The following LARP1 variants were observed in gnomAD, a reference collection of about 807,000 sequenced individuals.
The protein encoded by LARP1 is La ribonucleoprotein 1, translational regulator, also known as la-related protein 1.
In LARP1, 36 loss-of-function variants were observed where a neutral mutation model predicts 122.7. That is an observed-to-expected ratio of 0.29 (90% confidence interval 0.22 to 0.39). The LOEUF (loss-of-function observed/expected upper bound fraction) is 0.39, where lower values mean the gene tolerates loss of function less well. Ranked by LOEUF, LARP1 falls within the 10% of genes least tolerant of loss-of-function variation. LARP1 has a pLI of 1.00. For synonymous variants in LARP1, 539 were observed against 528.7 expected (o/e 1.02, Z -0.27); for missense variants, 1,040 against 1,403.6 (o/e 0.74, Z 4.14).
intron 14 of LARP1, chr5:154,805,069 T>C (rs1466865735): frequency 2.9e-6 from 1 of 346,672 alleles, no homozygotes; most frequent in African/African-American, 2.2e-5. Flanking sequence ...TTACATACTG[T>C]ATTCTTACAA....
intron 8 of LARP1, among the ~76,000 whole-genome samples, chr5:154,798,612 A>G (rs1758079590): frequency 6.6e-6 from 1 of 151,974 alleles, no homozygotes. Context: ...TGCAACCTCA[A>G]CCATCTAGGC....
intron 1 of LARP1, among the ~76,000 whole-genome samples, chr5:154,776,016 A>G (rs1010202902): frequency 2.0e-5 from 3 of 152,164 alleles, no homozygotes; most frequent in Admixed American, 6.6e-5. Context: ...TTAGTATTTT[A>G]AAGTAAATAT....
chr5:154,721,822 G>A (rs538879995), intron 1 of LARP1, among the ~76,000 whole-genome samples: 2 of 152,230 alleles, frequency 1.3e-5, no homozygotes, highest in East Asian at 3.9e-4. Context: ...TTGTCTCCAC[G>A]GCCTGGCACT....
chr5:154,781,555 T>G (rs1217027582), intron 1 of LARP1, among the ~76,000 whole-genome samples: 2 of 151,608 alleles, frequency 1.3e-5, no homozygotes, highest in African/African-American at 4.9e-5. Flanking sequence ...ATGGCGCCAT[T>G]GCACTCCAGC....
intron 4 of LARP1, 99 bp from the exon 5 acceptor site, chr5:154,793,496 T>G: frequency 2.7e-6 from 4 of 1,477,144 alleles, no homozygotes; most frequent in Admixed American, 3.5e-5. Context: ...AGATTGTGAT[T>G]TGGGCCCAAG....
chr5:154,795,437 C>CA, intron 8 of LARP1, 118 bp downstream of exon 8: 1 of 1,025,596 alleles, frequency 9.8e-7, no homozygotes, highest in Non-Finnish European at 1.4e-6. Flanking sequence ...CTGCTGAAGT[C>CA]TCAAGGCTTG....
At chr5:154,703,278 A>G (rs879514324) in intron 1 of LARP1, among the ~76,000 whole-genome samples, 4 of 152,132 alleles carry the variant, frequency 2.6e-5, no homozygotes, top group Non-Finnish European at 4.4e-5. Context: ...ACTCCTATCT[A>G]TACACTTTCA....
chr5:154,792,560 C>G, intron 3 of LARP1, 62 bp from the exon 4 acceptor site: 2 of 1,493,460 alleles, frequency 1.3e-6, no homozygotes, highest in Non-Finnish European at 1.8e-6. Flanking sequence ...CAGGGAGTGC[C>G]TTCCCTCCTA....
intron 14 of LARP1, 179 bp from the exon 15 acceptor site, chr5:154,805,702 G>T: frequency 1.6e-6 from 1 of 637,418 alleles, no homozygotes; most frequent in South Asian, 2.0e-5. Context: ...CTCTCTGAGA[G>T]TTGATGCAGA....
At chr5:154,709,635 G>A (rs998307479), upstream of LARP1, among the ~76,000 whole-genome samples, 1 of 107,384 alleles carries the variant, frequency 9.3e-6, no homozygotes, top group East Asian at 3.1e-4. Context: ...TACTCATTTT[G>A]GCTAGAGTTA....
At chr5:154,790,203 C>G in intron 1 of LARP1, 122 bp from the exon 2 acceptor site, 1 of 735,748 alleles carries the variant, frequency 1.4e-6, no homozygotes, top group South Asian at 1.9e-5. Flanking sequence ...TCTACTGTGT[C>G]TTTCTCCTTT....
At chr5:154,694,903 T>C (rs988499206) in intron 1 of LARP1, among the ~76,000 whole-genome samples, 3 of 152,162 alleles carry the variant, frequency 2.0e-5, no homozygotes, top group Admixed American at 2.0e-4. Flanking sequence ...TTTTTGTTAT[T>C]GTTGTTGAGA....
chr5:154,700,784 T>G (rs750286425), intron 1 of LARP1, among the ~76,000 whole-genome samples: 63 of 151,944 alleles, frequency 4.1e-4, no homozygotes, highest in Non-Finnish European at 6.8e-4. Context: ...CCACAATGCC[T>G]GGCTAATTTT....
intron 3 of LARP1, 31 bp downstream of exon 3, chr5:154,790,741 G>A (rs987621665): frequency 6.3e-7 from 1 of 1,596,552 alleles, no homozygotes; most frequent in Non-Finnish European, 8.6e-7. Flanking sequence ...AGGCAGGTTT[G>A]AAGTCTCTTG....
At position 154,755,897 on chromosome 5, in the gene LARP1, G is replaced by T. The variant is rs1753838143; in HGVS notation, c.140G>T (p.Gly47Val). ...CCCGGGCCAAACGACGTCCGCGGGG[G>T]GGAGCCGGACGGCAGCGCTCGGAGA... is the stretch of plus-strand genomic sequence containing the variant. Reference protein sequence around the residue: ...GEPGPNDVRGGEPDGSARRPR... With the variant: ...GEPGPNDVRGVEPDGSARRPR... The change falls in exon 1 of 19, where the codon GGG becomes GTG. Residue 47 changes from glycine to valine, a missense_variant. Around this residue, in one of 8 missense-constraint regions of LARP1, gnomAD observed 257 missense variants for 273.3 expected, o/e 0.94. Coordinates refer to ENST00000518297, the MANE Select transcript of LARP1 (RefSeq NM_033551.3). The T allele has an allele frequency of 9.9e-7, 1 of 1,011,636 alleles. No homozygotes were observed. The highest frequency in any genetic ancestry group is 1.2e-6 in the Non-Finnish European group (1 of 845,314). The allele number at this position is 1,011,636 out of a possible 1,614,324, so 62.7% of individuals were successfully genotyped here.
At chr5:154,683,610 T>A (rs1753791840) in intron 1 of LARP1, among the ~76,000 whole-genome samples, 3 of 152,212 alleles carry the variant, frequency 2.0e-5, no homozygotes, top group Non-Finnish European at 4.4e-5. Context: ...TTGTGTTTCC[T>A]GCCAGGCCTC....
chr5:154,702,154 C>T (rs150729954), intron 1 of LARP1, among the ~76,000 whole-genome samples: 8 of 152,260 alleles, frequency 5.3e-5, no homozygotes, highest in Non-Finnish European at 7.4e-5. Context: ...GTTTGAGTTA[C>T]GCCTCTGTCA....
chr5:154,811,305 C>T lies in LARP1; in HGVS notation c.2902C>T (p.Leu968=), dbSNP rs750702302. 5.6e-6 allele frequency: 9 copies of T among 1,614,184 alleles called. No homozygotes were observed. The Admixed American group carries it at 1.5e-4, about 27-fold the overall frequency. ...TTATGGCCTGGAAAAGAAGTTCCGG[C>T]TGGACATATTCAAGGATTTTCAGGA... ...YSYGLEKKFR[L]DIFKDFQEET... is the part of the protein sequence containing the mutation. Residue 968 remains leucine, a synonymous_variant, in exon 17 of 19, where the codon CTG becomes TTG. Coordinates refer to ENST00000518297, the MANE Select transcript of LARP1 (RefSeq NM_033551.3).
intron 16 of LARP1, among the ~76,000 whole-genome samples, chr5:154,809,871 A>G (rs1759115200): frequency 6.6e-6 from 1 of 151,436 alleles, no homozygotes; most frequent in Non-Finnish European, 1.5e-5. Context: ...ACGCCTGGCT[A>G]ATTTTTTTTG....
Sources: gnomAD v4.1 joint callset for allele counts (sites outside exome capture counted in the v4.1 genomes callset) on GRCh38, gnomAD v4.1.1 for gene constraint, gnomAD v4.1.1 regional missense constraint, MANE v1.5 for transcripts, NCBI Gene and HGNC (gene_info 2026-07-23, HGNC 2026-07-21) for gene names.